Variants in CACNA1B observed in about 807,000 individuals in gnomAD.
The protein encoded by CACNA1B is calcium voltage-gated channel subunit alpha1 B.
CACNA1B carries 70 observed loss-of-function variants against 247.2 expected under a neutral mutation model. That is an observed-to-expected ratio of 0.28 (90% CI 0.23 to 0.35). The LOEUF (loss-of-function observed/expected upper bound fraction) is 0.35, where lower values mean the gene tolerates loss of function less well. CACNA1B is among the 10% of genes least tolerant of loss of function. The pLI is 1.00. For missense variants in CACNA1B, 2,367 were observed against 3,197.4 expected (o/e 0.74, Z 6.26); for synonymous variants, 1,231 against 1,294.4 (o/e 0.95, Z 1.05).
At chr9:138,029,154 T>A (rs1261769274) in intron 20 of CACNA1B, among the ~76,000 whole-genome samples, 1 of 152,240 alleles carries the variant, frequency 6.6e-6, no homozygotes, top group Non-Finnish European at 1.5e-5. Context: ...ATATATATGT[T>A]TTCCAGAAGC....
chr9:138,101,264 C>T, intron 37 of CACNA1B: 1 of 485,874 alleles, frequency 2.1e-6, no homozygotes, highest in South Asian at 1.5e-5. Context: ...AGCACACACT[C>T]CCTGCCTGGT....
intron 31 of CACNA1B, among the ~76,000 whole-genome samples, chr9:138,069,237 TC>T (rs1564270698): frequency 1.3e-5 from 2 of 152,218 alleles, no homozygotes; most frequent in African/African-American, 2.4e-5. Context: ...CACTTTTTTT[TC>T]TTAGGCAAAA....
At chr9:137,967,046 G>A (rs1261819877) in intron 10 of CACNA1B, among the ~76,000 whole-genome samples, 1 of 151,150 alleles carries the variant, frequency 6.6e-6, no homozygotes, top group Admixed American at 6.6e-5. Flanking sequence ...TCTCCATTTA[G>A]TATAATGTTT....
intron 6 of CACNA1B, among the ~76,000 whole-genome samples, chr9:137,945,696 C>G (rs1182351941): frequency 6.6e-6 from 1 of 152,264 alleles, no homozygotes. Context: ...CTTTAACCCT[C>G]TAAACTTAGG....
intron 20 of CACNA1B, among the ~76,000 whole-genome samples, chr9:138,026,542 A>T (rs971007896): frequency 2.0e-5 from 3 of 152,098 alleles, no homozygotes; most frequent in African/African-American, 7.2e-5. Flanking sequence ...GCCTTTTCAG[A>T]TTGGCTTCTT....
chr9:137,896,238 C>CAAAA (rs34505431), intron 3 of CACNA1B, among the ~76,000 whole-genome samples: 1 of 69,746 alleles, frequency 1.4e-5, no homozygotes, highest in Non-Finnish European at 2.8e-5. Context: ...GACTCTGTCT[C>CAAAA]AAAAAAAAAA....
chr9:137,982,398 A>T (rs1023343535), intron 12 of CACNA1B, among the ~76,000 whole-genome samples: 3 of 152,252 alleles, frequency 2.0e-5, no homozygotes, highest in Admixed American at 6.5e-5. Context: ...GAAAGAGTTA[A>T]GAGTTCCCAA....
chr9:137,966,016 A>G (rs781734479), intron 10 of CACNA1B, among the ~76,000 whole-genome samples: 17 of 152,198 alleles, frequency 1.1e-4, no homozygotes, highest in Non-Finnish European at 2.4e-4. Flanking sequence ...ATTTCATCAC[A>G]CAGTACCTTC....
chr9:137,993,930 T>C (rs1204926427), intron 15 of CACNA1B, among the ~76,000 whole-genome samples: 1 of 152,044 alleles, frequency 6.6e-6, no homozygotes, highest in Non-Finnish European at 1.5e-5. Context: ...CTGATGAACA[T>C]AGATGCAGAA....
At chr9:137,962,590 G>C (rs1245535204) in intron 10 of CACNA1B, among the ~76,000 whole-genome samples, 1 of 151,888 alleles carries the variant, frequency 6.6e-6, no homozygotes, top group African/African-American at 2.4e-5. Context: ...TTATATCTTT[G>C]TTCTCATTAG....
At chr9:137,925,917 A>ATT (rs60826721) in intron 6 of CACNA1B, among the ~76,000 whole-genome samples, 4 of 124,670 alleles carry the variant, frequency 3.2e-5, no homozygotes, top group Non-Finnish European at 5.3e-5. Context: ...TAAGTTTTGC[A>ATT]TTTTTTTTTT....
At chr9:138,117,066 T>C (rs1961892425) in intron 42 of CACNA1B, among the ~76,000 whole-genome samples, 1 of 152,228 alleles carries the variant, frequency 6.6e-6, no homozygotes, top group African/African-American at 2.4e-5. Flanking sequence ...CCTGCATGAC[T>C]AAGAACGTAG....
Position 137,954,879 on chromosome 9 carries a change from T to TGTGTGTGTGTGTGTGTGTGTGTGTGA in CACNA1B, c.1071-818_1071-817insTGTGTGTGTGTGTGTGTGTGTGTGAG, listed in dbSNP as rs1440887333. ...GCTTGTGTGTGTGTGTGTGTGTGTG[T>TGTGTGTGTGTGTGTGTGTGTGTGTGA]GAGAGAGAGAGAGAGAGAGAGAGGG... On this transcript the variant is annotated intron_variant, in intron 7 of 46. Coordinates refer to ENST00000371372, the MANE Select transcript of CACNA1B (RefSeq NM_000718.4). The surrounding 1 kb of genome is among the most constrained non-coding windows in gnomAD (Gnocchi z 4.1). 1.5e-4 allele frequency among the ~76,000 whole-genome samples: 22 copies of TGTGTGTGTGTGTGTGTGTGTGTGTGA among 145,278 alleles called. No homozygotes were observed. Among genetic ancestry groups the TGTGTGTGTGTGTGTGTGTGTGTGTGA allele is most frequent in the African/African-American group, 5.4e-4 (21 of 38,724 alleles).
intron 31 of CACNA1B, among the ~76,000 whole-genome samples, chr9:138,063,132 G>A (rs902567404): frequency 1.3e-5 from 2 of 152,236 alleles, no homozygotes; most frequent in South Asian, 2.1e-4. Flanking sequence ...CCAGTGTGGT[G>A]TTCTGAAGAA....
In CACNA1B at chr9:137,912,601, G is replaced by A. The variant is rs148044933; in HGVS notation, c.531-579G>A. On this transcript the variant is annotated intron_variant, in intron 3 of 46. Coordinates refer to ENST00000371372, the MANE Select transcript of CACNA1B (RefSeq NM_000718.4). ...GATCTTTAGTTTTGTTCTTAAGATG[G>A]GAGATACTGGGATATGTTTTTTTGC... Among the ~76,000 whole-genome samples the A allele has an allele frequency of 9.3e-4, 142 of 152,304 alleles. 2 individuals carry two copies. Among genetic ancestry groups the A allele is most frequent in the African/African-American group, 3.2e-3 (131 of 41,566 alleles).
chr9:137,907,927 G>C (rs191096973), intron 3 of CACNA1B, among the ~76,000 whole-genome samples: 1 of 152,240 alleles, frequency 6.6e-6, no homozygotes, highest in East Asian at 1.9e-4. Context: ...TCATTTGGCG[G>C]CTGCTCCACC....
In CACNA1B at chr9:138,058,554, T is replaced by C. The variant is rs750008505; in HGVS notation, c.4309-15T>C. On this transcript the variant is annotated splice_polypyrimidine_tract_variant and intron_variant, in intron 28 of 46. Coordinates refer to ENST00000371372, the MANE Select transcript of CACNA1B (RefSeq NM_000718.4). This position sits in a 1 kb window ranked among gnomAD's most constrained non-coding sequence, Gnocchi z 4.7. Reference sequence around the variant, plus strand: ...TTCTGCTTCTGAGTCTCTGTGCTCCTTTCTCCCCTTACAGAGGGCTTGCAT... The same window carrying C: ...TTCTGCTTCTGAGTCTCTGTGCTCCCTTCTCCCCTTACAGAGGGCTTGCAT... 6.2e-7 allele frequency: 1 copy of C among 1,603,428 alleles called. No individual in the cohort carries two copies. The highest frequency in any genetic ancestry group is 1.1e-5 in the South Asian group (1 of 89,666).
At chr9:138,120,588 G>A (rs201365551) in intron 45 of CACNA1B, 43 bp from the exon 46 acceptor site, 3 of 1,467,442 alleles carry the variant, frequency 2.0e-6, no homozygotes, top group South Asian at 1.4e-5. Flanking sequence ...AGGGGTCCCT[G>A]CCTTGGGCCT....
At chr9:138,029,555 G>T (rs184422049) in intron 20 of CACNA1B, among the ~76,000 whole-genome samples, 2 of 149,438 alleles carry the variant, frequency 1.3e-5, no homozygotes, top group East Asian at 3.9e-4. Context: ...CTCTGTTTCA[G>T]TGTTTTTCCT....
Sources: gnomAD v4.1 joint callset for allele counts (sites outside exome capture counted in the v4.1 genomes callset) on GRCh38, gnomAD v4.1.1 for gene constraint, Gnocchi (gnomAD v3.1) non-coding constraint, MANE v1.5 for transcripts, NCBI Gene and HGNC (gene_info 2026-07-23, HGNC 2026-07-21) for gene names.